ENDOD1: variants seen among roughly 807,000 people sequenced by gnomAD.
The protein encoded by ENDOD1 is endonuclease domain containing 1.
In ENDOD1, 9 loss-of-function variants were observed where a neutral mutation model predicts 6.5. That is an observed-to-expected ratio of 1.39 (90% CI 0.84 to 2.43). ENDOD1 has a LOEUF of 2.43. Among genes scored for constraint, ENDOD1 ranks in the 30% most tolerant of loss-of-function variants. ENDOD1 has a pLI of 0.00. For synonymous variants in ENDOD1, 255 were observed against 255.2 expected (o/e 1.00, Z 0.01); for missense variants, 648 against 635.5 (o/e 1.02, Z -0.21).
intron 1 of ENDOD1, among the ~76,000 whole-genome samples, chr11:95,099,086 G>C (rs567668638): frequency 6.6e-6 from 1 of 152,270 alleles, no homozygotes; most frequent in African/African-American, 2.4e-5. Context: ...TGGGGTTATT[G>C]CAAGTACTCC....
intron 1 of ENDOD1, among the ~76,000 whole-genome samples, chr11:95,126,218 A>G (rs937295510): frequency 1.3e-5 from 2 of 152,200 alleles, no homozygotes; most frequent in African/African-American, 4.8e-5. Context: ...GCATACCTAC[A>G]AGAGAGTGTC....
At chr11:95,099,334 A>T (rs1467434023) in intron 1 of ENDOD1, among the ~76,000 whole-genome samples, 1 of 152,220 alleles carries the variant, frequency 6.6e-6, no homozygotes, top group East Asian at 1.9e-4. Context: ...CTCTGGGCGT[A>T]TGGAGACATT....
At chr11:95,109,457 C>G (rs556403505) in intron 1 of ENDOD1, among the ~76,000 whole-genome samples, 1 of 152,352 alleles carries the variant, frequency 6.6e-6, no homozygotes, top group African/African-American at 2.4e-5. Flanking sequence ...ATCATTCTTT[C>G]AACAAATGCC....
intron 1 of ENDOD1, among the ~76,000 whole-genome samples, chr11:95,108,577 A>G (rs1859116885): frequency 6.6e-6 from 1 of 152,220 alleles, no homozygotes; most frequent in South Asian, 2.1e-4. Flanking sequence ...TAATTCTTCT[A>G]AAGCGGTTTC....
intron 1 of ENDOD1, among the ~76,000 whole-genome samples, chr11:95,093,663 A>G (rs1426162513): frequency 6.6e-6 from 1 of 152,182 alleles, no homozygotes; most frequent in Non-Finnish European, 1.5e-5. Flanking sequence ...GTTGAATAAA[A>G]TAATTTGATG....
intron 1 of ENDOD1, among the ~76,000 whole-genome samples, chr11:95,126,333 A>G (rs909712878): frequency 3.3e-5 from 5 of 152,152 alleles, no homozygotes; most frequent in Admixed American, 3.3e-4. Flanking sequence ...GTTATTTTAT[A>G]TGTTTAGTGA....
At chr11:95,090,867 C>T (rs1408445975) in intron 1 of ENDOD1, among the ~76,000 whole-genome samples, 1 of 152,084 alleles carries the variant, frequency 6.6e-6, no homozygotes, top group Non-Finnish European at 1.5e-5. Context: ...ATTCGATCTG[C>T]GGTTGTGTTG....
At chr11:95,104,349 G>A (rs1263455703) in intron 1 of ENDOD1, among the ~76,000 whole-genome samples, 2 of 151,720 alleles carry the variant, frequency 1.3e-5, no homozygotes, top group Non-Finnish European at 2.9e-5. Context: ...TCGGGAGGCT[G>A]AGTGGGAGGA....
At chr11:95,122,480 C>G (rs762107079) in intron 1 of ENDOD1, among the ~76,000 whole-genome samples, 66 of 131,764 alleles carry the variant, frequency 5.0e-4, no homozygotes, top group Non-Finnish European at 8.1e-4. Flanking sequence ...TGATCAAGTT[C>G]CAACCACTCA....
At chr11:95,120,875 G>C (rs1207083227) in intron 1 of ENDOD1, among the ~76,000 whole-genome samples, 1 of 152,160 alleles carries the variant, frequency 6.6e-6, no homozygotes, top group Non-Finnish European at 1.5e-5. Flanking sequence ...TCTGGCTAGG[G>C]CTGGTTTAAT....
chr11:95,096,358 A>G (rs951466927), intron 1 of ENDOD1, among the ~76,000 whole-genome samples: 1 of 143,544 alleles, frequency 7.0e-6, no homozygotes, highest in African/African-American at 2.6e-5. Flanking sequence ...TTGCCTGTCG[A>G]TATATCTATT....
At chr11:95,112,169 T>A (rs1180833760) in intron 1 of ENDOD1, among the ~76,000 whole-genome samples, 8 of 152,342 alleles carry the variant, frequency 5.3e-5, no homozygotes, top group South Asian at 4.1e-4. Context: ...CAAAGCTTTC[T>A]CCTCCCTTGA....
intron 1 of ENDOD1, among the ~76,000 whole-genome samples, chr11:95,119,671 T>C (rs546602140): frequency 3.9e-5 from 6 of 152,348 alleles, no homozygotes; most frequent in African/African-American, 1.4e-4. Flanking sequence ...CCCTGGCTAC[T>C]GCCTATGTTT....
chr11:95,101,339 C>T (rs1419515780), intron 1 of ENDOD1, among the ~76,000 whole-genome samples: 4 of 151,958 alleles, frequency 2.6e-5, no homozygotes, highest in Admixed American at 2.6e-4. Flanking sequence ...AGTTTGTGAT[C>T]AAAAAAATGT....
Position 95,129,033 on chromosome 11 carries a change from G to C in ENDOD1, c.957G>C (p.Glu319Asp), listed in dbSNP as rs1285491218. The C allele has an allele frequency of 6.2e-7, 1 of 1,613,970 alleles. No individual in the cohort carries two copies. The highest frequency in any genetic ancestry group is 2.2e-5 in the East Asian group (1 of 44,884). ...RSKRSTLLPPEASEGSSSFLG... is the reference protein window; with the variant it reads ...RSKRSTLLPPDASEGSSSFLG... Reference sequence around the variant, plus strand: ...AGAGGTCTACTCTGTTGCCTCCAGAGGCATCTGAGGGAAGTAGTAGCTTTT... The same window carrying C: ...AGAGGTCTACTCTGTTGCCTCCAGACGCATCTGAGGGAAGTAGTAGCTTTT... Residue 319 changes from glutamate (E) to aspartate (D), a missense_variant, in exon 2 of 2, where the codon GAG becomes GAC. Coordinates refer to ENST00000278505, the MANE Select transcript of ENDOD1 (RefSeq NM_015036.3).
Position 95,130,681 on chromosome 11 carries a change from A to C in ENDOD1, c.*1102A>C, listed in dbSNP as rs1591023144. The C allele has an allele frequency of 6.6e-6, 1 of 152,308 alleles. No homozygotes were observed. Among genetic ancestry groups the C allele is most frequent in the Middle Eastern group, 3.4e-3 (1 of 294 alleles). The allele number at this position is 152,308 out of a possible 1,614,324, so 9.4% of individuals were successfully genotyped here. A position where few individuals can be genotyped will look rare whatever the true frequency, so the allele number is the denominator to read the frequency against. On this transcript the variant is annotated 3_prime_UTR_variant, in exon 2 of 2. Coordinates refer to ENST00000278505, the MANE Select transcript of ENDOD1 (RefSeq NM_015036.3). ...GTTATTGTGGCCATCTCTGAAAAAA[A>C]TATATAAAATATTTAAGAATAATTA...
At position 95,129,749 on chromosome 11, in the gene ENDOD1, A is replaced by G; in HGVS notation, c.*170A>G. On this transcript the variant is annotated 3_prime_UTR_variant, in exon 2 of 2. Transcript: ENST00000278505. ...CAGAATTTAGACTTGACAGAGGAGA[A>G]ATGCTCAGGGTGAGATTAGGTGTAG... is the stretch of plus-strand genomic sequence containing the variant. The G allele has an allele frequency of 1.5e-6, 1 of 683,710 alleles. No individual in the cohort carries two copies. The highest frequency in any genetic ancestry group is 2.4e-6 in the Non-Finnish European group (1 of 413,654). The allele number at this position is 683,710 out of a possible 1,614,324, so 42.4% of individuals were successfully genotyped here.
intron 1 of ENDOD1, among the ~76,000 whole-genome samples, chr11:95,101,764 C>T (rs1859043230): frequency 6.6e-6 from 1 of 152,196 alleles, no homozygotes; most frequent in Non-Finnish European, 1.5e-5. Context: ...TAATAAGCCC[C>T]TCAAACAACC....
In ENDOD1 at chr11:95,110,053, G is replaced by T. The variant is rs193153471; in HGVS notation, c.301-18324G>T. On this transcript the variant is annotated intron_variant, in intron 1 of 1. Transcript: ENST00000278505. Reference sequence around the variant, plus strand: ...GAGCTGCCCTGCCCCACTTGTCCTGGCTGACATCCATGGGGCCTTTCTTTT... The same window carrying T: ...GAGCTGCCCTGCCCCACTTGTCCTGTCTGACATCCATGGGGCCTTTCTTTT... 5.4e-4 allele frequency among the ~76,000 whole-genome samples: 83 copies of T among 152,358 alleles called. 3 individuals are homozygous for T. The East Asian group carries it at 0.015, about 28-fold the overall frequency.
Sources: allele counts gnomAD v4.1 joint callset (sites outside exome capture counted in the v4.1 genomes callset), GRCh38; gene constraint gnomAD v4.1.1; transcripts MANE v1.5; gene names NCBI Gene and HGNC (gene_info 2026-07-23, HGNC 2026-07-21).